The following MSRA variants were observed in gnomAD, a reference collection of about 807,000 sequenced individuals.
MSRA encodes the protein mitochondrial peptide methionine sulfoxide reductase.
A neutral mutation model predicts 31.3 loss-of-function variants in MSRA; 54 were observed. That is an observed-to-expected ratio of 1.73 (90% CI 1.39 to 2.17). MSRA has a LOEUF of 2.17. MSRA is among the 30% of genes most tolerant of loss of function. The probability of loss-of-function intolerance (pLI) is 0.00; values close to 1 mark genes in which losing one functional copy is unlikely to be tolerated. For missense variants in MSRA, 507 were observed against 300.9 expected, an observed-to-expected ratio of 1.69 and a Z score of -5.07; for synonymous variants, 169 against 116.5, an observed-to-expected ratio of 1.45 and a Z score of -2.90.
chr8:10,106,398 A>C (rs1452114663), intron 1 of MSRA, among the ~76,000 whole-genome samples: 1 of 152,222 alleles, frequency 6.6e-6, no homozygotes, highest in Non-Finnish European at 1.5e-5. Context: ...ACCTGGAATC[A>C]GCATTTGGCT....
chr8:10,300,292 G>C (rs144527762), intron 3 of MSRA, among the ~76,000 whole-genome samples: 1,819 of 151,728 alleles, frequency 0.012, 17 homozygotes, highest in Non-Finnish European at 0.02. Flanking sequence ...GTCTCACCCT[G>C]TTGCCAAGGC....
At chr8:10,228,590 T>C (rs1043477384) in intron 2 of MSRA, among the ~76,000 whole-genome samples, 1 of 152,242 alleles carries the variant, frequency 6.6e-6, no homozygotes, top group African/African-American at 2.4e-5. Context: ...CAGGCATCCG[T>C]AGTGGTCCAC....
chr8:10,360,161 G>A (rs1185664739), intron 5 of MSRA, among the ~76,000 whole-genome samples: 1 of 152,156 alleles, frequency 6.6e-6, no homozygotes, highest in East Asian at 1.9e-4. Flanking sequence ...CTGCTTGAGT[G>A]AGCCAAGCTG....
intron 1 of MSRA, among the ~76,000 whole-genome samples, chr8:10,064,327 T>C (rs1797351830): frequency 1.3e-5 from 2 of 152,192 alleles, no homozygotes; most frequent in Non-Finnish European, 1.5e-5. Context: ...AAGCTCGGGC[T>C]CTTATGAAAG....
At chr8:10,390,714 C>G (rs1461077908) in intron 5 of MSRA, among the ~76,000 whole-genome samples, 1 of 151,910 alleles carries the variant, frequency 6.6e-6, no homozygotes, top group Non-Finnish European at 1.5e-5. Context: ...CTCATTTAAC[C>G]CTGATGAGGG....
intron 1 of MSRA, among the ~76,000 whole-genome samples, chr8:10,088,470 C>T (rs891697518): frequency 2.0e-5 from 3 of 152,044 alleles, no homozygotes; most frequent in African/African-American, 7.2e-5. Flanking sequence ...CGTGGTGGCT[C>T]ACACCTGTAA....
chr8:10,293,039 G>A (rs1800330552), intron 3 of MSRA, among the ~76,000 whole-genome samples: 1 of 152,180 alleles, frequency 6.6e-6, no homozygotes, highest in Admixed American at 6.5e-5. Flanking sequence ...GCTTGGGGTT[G>A]TCTCCGTCCC....
At chr8:10,073,181 C>G (rs769333728) in intron 1 of MSRA, among the ~76,000 whole-genome samples, 23 of 152,096 alleles carry the variant, frequency 1.5e-4, no homozygotes, top group Non-Finnish European at 2.4e-4. Flanking sequence ...GACATGCTTA[C>G]TTTGTATCTA....
intron 5 of MSRA, among the ~76,000 whole-genome samples, chr8:10,368,049 C>T (rs989883113): frequency 5.3e-5 from 8 of 152,130 alleles, no homozygotes; most frequent in African/African-American, 1.9e-4. Context: ...GAATTCCCTG[C>T]CCCGCGAAGG....
At chr8:10,151,199 G>T (rs575576630) in intron 1 of MSRA, among the ~76,000 whole-genome samples, 1 of 150,906 alleles carries the variant, frequency 6.6e-6, no homozygotes, top group East Asian at 1.9e-4. Flanking sequence ...TCCTGGGGAG[G>T]CGCAGTGAGC....
intron 1 of MSRA, among the ~76,000 whole-genome samples, chr8:10,133,935 A>T (rs931718449): frequency 6.6e-6 from 1 of 151,890 alleles, no homozygotes; most frequent in Non-Finnish European, 1.5e-5. Flanking sequence ...GGTTCAAGTG[A>T]TTCTCGTTTC....
chr8:10,062,848 T>C (rs1474131165), intron 1 of MSRA, among the ~76,000 whole-genome samples: 2 of 152,204 alleles, frequency 1.3e-5, no homozygotes, highest in African/African-American at 4.8e-5. Flanking sequence ...GTTAGCTGCG[T>C]GAGATTGCTA....
At chr8:10,314,905 A>G (rs1801627415) in intron 4 of MSRA, among the ~76,000 whole-genome samples, 1 of 152,220 alleles carries the variant, frequency 6.6e-6, no homozygotes, top group Admixed American at 6.5e-5. Context: ...GTATTAGTCT[A>G]TTCCCATGCT....
chr8:10,256,690 C>A (rs558932883), intron 3 of MSRA, among the ~76,000 whole-genome samples: 9 of 152,240 alleles, frequency 5.9e-5, no homozygotes, highest in African/African-American at 2.2e-4. Flanking sequence ...GTACTTTTCT[C>A]TCTCCAGAGT....
At chr8:10,281,900 T>C (rs1477870239) in intron 3 of MSRA, among the ~76,000 whole-genome samples, 2 of 152,120 alleles carry the variant, frequency 1.3e-5, no homozygotes, top group African/African-American at 2.4e-5. Flanking sequence ...TATATTTTTT[T>C]CCCTGCTTTT....
chr8:10,063,908 G>T (rs1797331756), intron 1 of MSRA, among the ~76,000 whole-genome samples: 1 of 152,172 alleles, frequency 6.6e-6, no homozygotes, highest in Non-Finnish European at 1.5e-5. Flanking sequence ...AAACATCTTG[G>T]GGCTTTCAAG....
chr8:10,144,645 A>G (rs780055970), intron 1 of MSRA, among the ~76,000 whole-genome samples: 11 of 151,080 alleles, frequency 7.3e-5, no homozygotes, highest in Non-Finnish European at 1.3e-4. Flanking sequence ...GATCTCTGCA[A>G]TGTGCCCAAC....
intron 1 of MSRA, among the ~76,000 whole-genome samples, chr8:10,146,179 C>T (rs564577641): frequency 1.4e-4 from 22 of 152,150 alleles, no homozygotes; most frequent in Admixed American, 9.8e-4. Context: ...AAGAATGGTG[C>T]GATCGTAAAG....
At chr8:10,305,006 G>C (rs1801049679) in intron 4 of MSRA, among the ~76,000 whole-genome samples, 1 of 152,212 alleles carries the variant, frequency 6.6e-6, no homozygotes. Context: ...ATTGACATTT[G>C]ATGTGAAGAT....
Sources: allele counts gnomAD v4.1 joint callset (sites outside exome capture counted in the v4.1 genomes callset), GRCh38; gene constraint gnomAD v4.1.1; transcripts MANE v1.5; gene names NCBI Gene and HGNC (gene_info 2026-07-23, HGNC 2026-07-21).